HTR1F: variants seen among roughly 807,000 people sequenced by gnomAD.
The protein encoded by HTR1F is 5-hydroxytryptamine receptor 1F.
A neutral mutation model predicts 24.0 loss-of-function variants in HTR1F; 17 were observed. That is an observed-to-expected ratio of 0.71 (90% CI 0.48 to 1.06). HTR1F has a LOEUF of 1.06. Ranked by LOEUF, HTR1F falls within the 50% of genes least tolerant of loss-of-function variation. HTR1F has a pLI of 0.00. For missense variants in HTR1F, 391 were observed against 427.8 expected, an observed-to-expected ratio of 0.91 and a Z score of 0.76; for synonymous variants, 186 against 156.8, an observed-to-expected ratio of 1.19 and a Z score of -1.39.
intron 2 of HTR1F, among the ~76,000 whole-genome samples, chr3:87,965,201 A>C (rs1314358247): frequency 6.6e-6 from 1 of 152,166 alleles, no homozygotes; most frequent in African/African-American, 2.4e-5. Flanking sequence ...AGCTGATTTA[A>C]TTGGATTTCA....
chr3:87,948,859 G>A (rs927427849), intron 2 of HTR1F, among the ~76,000 whole-genome samples: 7 of 152,116 alleles, frequency 4.6e-5, no homozygotes, highest in Admixed American at 3.3e-4. Context: ...TGCCATGTTT[G>A]TAGTACCAAT....
chr3:87,927,703 C>G (rs1198402427), intron 2 of HTR1F, among the ~76,000 whole-genome samples: 1 of 152,130 alleles, frequency 6.6e-6, no homozygotes, highest in African/African-American at 2.4e-5. Flanking sequence ...TCAAATATCT[C>G]AACTAAATTA....
chr3:87,967,440 A>G (rs1705189796), intron 2 of HTR1F, among the ~76,000 whole-genome samples: 1 of 74,952 alleles, frequency 1.3e-5, no homozygotes, highest in East Asian at 6.5e-4. Context: ...ACAGAGTGAA[A>G]CTGTCTCAAA....
At chr3:87,876,688 G>A (rs920564094) in intron 2 of HTR1F, among the ~76,000 whole-genome samples, 2 of 152,138 alleles carry the variant, frequency 1.3e-5, no homozygotes, top group Admixed American at 6.5e-5. Flanking sequence ...AGGGAAAGGG[G>A]TAAGATAGGA....
intron 2 of HTR1F, among the ~76,000 whole-genome samples, chr3:87,898,442 T>C (rs1253049401): frequency 6.6e-6 from 1 of 152,126 alleles, no homozygotes; most frequent in Non-Finnish European, 1.5e-5. Context: ...ACAGAATGGG[T>C]AGGAAGAAAT....
intron 1 of HTR1F, among the ~76,000 whole-genome samples, chr3:87,803,900 T>C (rs1258911058): frequency 6.6e-6 from 1 of 152,144 alleles, no homozygotes; most frequent in African/African-American, 2.4e-5. Context: ...ATCCCCATTT[T>C]ACAGAAGAGG....
At chr3:87,845,444 C>A (rs1165667109) in intron 2 of HTR1F, among the ~76,000 whole-genome samples, 1 of 148,738 alleles carries the variant, frequency 6.7e-6, no homozygotes, top group Non-Finnish European at 1.5e-5. Context: ...CAACAACAGA[C>A]AAACAGAGAG....
intron 2 of HTR1F, among the ~76,000 whole-genome samples, chr3:87,934,148 G>A (rs1009928801): frequency 1.3e-5 from 2 of 152,136 alleles, no homozygotes; most frequent in Admixed American, 1.3e-4. Flanking sequence ...TCGAACCCCT[G>A]TACAGTAACT....
chr3:87,991,524 G>GATAAAATTCATA lies in HTR1F; in HGVS notation c.776_787dup (p.His262_Ser263insAsnLysIleHis), dbSNP rs774464006. The GATAAAATTCATA allele has an allele frequency of 3.4e-4, 545 of 1,614,006 alleles. 1 individual carries two copies. Among genetic ancestry groups the GATAAAATTCATA allele is most frequent in the Non-Finnish European group, 4.3e-4 (512 of 1,179,962 alleles). Reference sequence around the variant, plus strand: ...TTTATCTGACCCATCAACAGACTTTGATAAAATTCATAGCACAGTGAGAAG... The same window carrying GATAAAATTCATA: ...TTTATCTGACCCATCAACAGACTTTGATAAAATTCATAATAAAATTCATAGCACAGTGAGAAG... On this transcript the variant is annotated inframe_insertion, in exon 3 of 3. Coordinates refer to ENST00000319595, the MANE Select transcript of HTR1F (RefSeq NM_001322209.2).
intron 2 of HTR1F, among the ~76,000 whole-genome samples, chr3:87,893,321 C>G (rs550686539): frequency 3.3e-5 from 5 of 152,276 alleles, no homozygotes; most frequent in African/African-American, 1.2e-4. Flanking sequence ...ATGTATGAGT[C>G]TGTTCACATT....
chr3:87,908,664 T>C (rs1481192004), intron 2 of HTR1F, among the ~76,000 whole-genome samples: 1 of 152,034 alleles, frequency 6.6e-6, no homozygotes, highest in African/African-American at 2.4e-5. Flanking sequence ...TACATTCTAA[T>C]TTCAATAGGT....
chr3:87,807,460 T>C (rs946057537), intron 1 of HTR1F, among the ~76,000 whole-genome samples: 25 of 152,042 alleles, frequency 1.6e-4, no homozygotes, highest in Non-Finnish European at 3.2e-4. Context: ...TGATTCTGAT[T>C]TTTGTATGCT....
chr3:87,871,936 T>A (rs1354381302), intron 2 of HTR1F, among the ~76,000 whole-genome samples: 3 of 152,140 alleles, frequency 2.0e-5, no homozygotes, highest in Admixed American at 1.3e-4. Flanking sequence ...GAGAATATTC[T>A]ACCCAACAAC....
At chr3:87,902,889 A>T (rs936199970) in intron 2 of HTR1F, among the ~76,000 whole-genome samples, 3 of 151,832 alleles carry the variant, frequency 2.0e-5, no homozygotes, top group African/African-American at 7.3e-5. Flanking sequence ...GAGAATGACG[A>T]TTTCCAATTT....
chr3:87,975,354 A>T (rs1705372163), intron 2 of HTR1F, among the ~76,000 whole-genome samples: 1 of 152,140 alleles, frequency 6.6e-6, no homozygotes, highest in South Asian at 2.1e-4. Flanking sequence ...TTTCTAAAAA[A>T]ATCTTGGAGA....
At chr3:87,903,584 C>A (rs1322341165) in intron 2 of HTR1F, among the ~76,000 whole-genome samples, 1 of 150,808 alleles carries the variant, frequency 6.6e-6, no homozygotes, top group African/African-American at 2.4e-5. Flanking sequence ...GATACCATCT[C>A]ACACCAGTTA....
In HTR1F at chr3:87,948,304, A is replaced by C. The variant is rs1187601032; in HGVS notation, c.-42-42404A>C. 2.0e-5 allele frequency among the ~76,000 whole-genome samples: 3 copies of C among 152,212 alleles called. No homozygotes were observed. In the East Asian group the frequency reaches 5.8e-4, roughly 29 times the overall value. On this transcript the variant is annotated intron_variant, in intron 2 of 2. Transcript: ENST00000319595. ...AGACCAAAAGGTAGCTATATAGTTA[A>C]TTAGAAAGGCAGAGGTCACTAGAAT... is the stretch of plus-strand genomic sequence containing the variant.
chr3:87,922,147 A>G (rs1308368051), intron 2 of HTR1F, among the ~76,000 whole-genome samples: 2 of 151,918 alleles, frequency 1.3e-5, no homozygotes, highest in Non-Finnish European at 2.9e-5. Flanking sequence ...TCTACCTGCA[A>G]TGTATAAGAG....
intron 2 of HTR1F, among the ~76,000 whole-genome samples, chr3:87,921,057 A>T (rs1704003021): frequency 6.6e-6 from 1 of 151,958 alleles, no homozygotes; most frequent in South Asian, 2.1e-4. Flanking sequence ...TACATGAGTC[A>T]GTGTTTCATT....
Sources: gnomAD v4.1 joint callset for allele counts (sites outside exome capture counted in the v4.1 genomes callset) on GRCh38, gnomAD v4.1.1 for gene constraint, MANE v1.5 for transcripts, NCBI Gene and HGNC (gene_info 2026-07-23, HGNC 2026-07-21) for gene names.